The following HTR2C variants were observed in gnomAD, a reference collection of about 807,000 sequenced individuals.
The protein encoded by HTR2C is 5-hydroxytryptamine receptor 2C.
Under a neutral mutation model 21.0 loss-of-function variants are expected in HTR2C, and 5 were observed. The observed-to-expected ratio is 0.24, with a 90% CI of 0.12 to 0.50. The LOEUF (loss-of-function observed/expected upper bound fraction) is 0.50. Ranked by LOEUF, HTR2C falls within the 20% of genes least tolerant of loss-of-function variation. The probability of loss-of-function intolerance (pLI) is 0.98; values close to 1 mark genes in which losing one functional copy is unlikely to be tolerated. For synonymous variants in HTR2C, 150 were observed against 145.3 expected, an observed-to-expected ratio of 1.03 and a Z score of -0.23; for missense variants, 271 against 371.2, an observed-to-expected ratio of 0.73 and a Z score of 2.22.
At chrX:114,785,404 G>A (rs1377783914) in intron 4 of HTR2C, among the ~76,000 whole-genome samples, 1 of 111,700 alleles carries the variant, frequency 9.0e-6, no homozygotes, top group Non-Finnish European at 1.9e-5. Context: ...GAAAATTGAA[G>A]GAAGCGACTT....
intron 5 of HTR2C, among the ~76,000 whole-genome samples, chrX:114,865,768 T>G (rs2071040635): frequency 8.9e-6 from 1 of 111,744 alleles, no homozygotes; most frequent in African/African-American, 3.3e-5. Context: ...TGTATATTCT[T>G]GGTAAAAATT....
intron 4 of HTR2C, among the ~76,000 whole-genome samples, chrX:114,770,190 T>G (rs1556436762): frequency 8.9e-6 from 1 of 112,015 alleles, no homozygotes. Flanking sequence ...TATCTAGGTT[T>G]GTATCCCTGA....
At chrX:114,853,210 T>TTTTGCTCATTTTTTCTGATTTTTTTTCA (rs2070933528) in intron 5 of HTR2C, among the ~76,000 whole-genome samples, 1 of 111,762 alleles carries the variant, frequency 8.9e-6, no homozygotes, top group Non-Finnish European at 1.9e-5. Context: ...TTAAGTGTCC[T>TTTTGCTCATTTTTTCTGATTTTTTTTCA]TTTGCTCATT....
At chrX:114,774,395 C>T (rs1158075394) in intron 4 of HTR2C, among the ~76,000 whole-genome samples, 2 of 111,082 alleles carry the variant, frequency 1.8e-5, no homozygotes, top group African/African-American at 3.3e-5. Context: ...ACCACATAGA[C>T]GATTGTTTTC....
intron 4 of HTR2C, among the ~76,000 whole-genome samples, chrX:114,757,392 G>C (rs941364356): frequency 9.0e-6 from 1 of 111,323 alleles, no homozygotes; most frequent in East Asian, 2.8e-4. Context: ...CACCAGTTTA[G>C]CCACAACTTC....
chrX:114,725,575 G>T, intron 2 of HTR2C, among the ~76,000 whole-genome samples: 1 of 112,228 alleles, frequency 8.9e-6, no homozygotes, highest in Non-Finnish European at 1.9e-5. Flanking sequence ...GCGTTCCTTT[G>T]GAGGAGGAGA....
intron 5 of HTR2C, among the ~76,000 whole-genome samples, chrX:114,903,426 A>C (rs914481399): frequency 4.4e-5 from 5 of 112,605 alleles, no homozygotes; most frequent in Admixed American, 2.8e-4. Flanking sequence ...TACATGGCTC[A>C]GTGCCTGGCA....
chrX:114,623,513 T>C (rs1929245495), intron 2 of HTR2C, among the ~76,000 whole-genome samples: 1 of 112,153 alleles, frequency 8.9e-6, no homozygotes, highest in Admixed American at 9.5e-5. Flanking sequence ...AAATTTTCTC[T>C]TGAAGGATGT....
chrX:114,887,926 A>G (rs2071232259), intron 5 of HTR2C, among the ~76,000 whole-genome samples: 1 of 110,591 alleles, frequency 9.0e-6, no homozygotes, highest in Non-Finnish European at 1.9e-5. Flanking sequence ...AGGCAGGAGA[A>G]TTGCTTGAAC....
chrX:114,762,217 T>C (rs1351634843), intron 4 of HTR2C, among the ~76,000 whole-genome samples: 1 of 110,004 alleles, frequency 9.1e-6, no homozygotes, highest in African/African-American at 3.3e-5. Flanking sequence ...ATTTATGCCT[T>C]TTTGTAAAAG....
intron 1 of HTR2C, among the ~76,000 whole-genome samples, chrX:114,613,376 A>G (rs6655328): frequency 0.18 from 20,392 of 110,835 alleles, 1,365 homozygotes; most frequent in South Asian, 0.31. Flanking sequence ...GGCGCTGGTG[A>G]GAGTGTAGCA....
chrX:114,895,052 A>G (rs1261261682), intron 5 of HTR2C, among the ~76,000 whole-genome samples: 2 of 111,519 alleles, frequency 1.8e-5, no homozygotes, highest in Admixed American at 9.6e-5. Flanking sequence ...AACATCAACA[A>G]TCTGTGAGAC....
At chrX:114,784,331 A>C (rs1602780678) in intron 4 of HTR2C, among the ~76,000 whole-genome samples, 1 of 112,019 alleles carries the variant, frequency 8.9e-6, no homozygotes, top group Admixed American at 9.5e-5. Flanking sequence ...AGAAATATGT[A>C]CAAATATCTA....
At chrX:114,660,996 T>A (rs150051254) in intron 2 of HTR2C, among the ~76,000 whole-genome samples, 312 of 112,358 alleles carry the variant, frequency 2.8e-3, no homozygotes, top group African/African-American at 9.6e-3. Flanking sequence ...ATCTTGTTAG[T>A]TATTAGAAGT....
At chrX:114,607,911 C>T (rs1042173812) in intron 1 of HTR2C, among the ~76,000 whole-genome samples, 18 of 110,864 alleles carry the variant, frequency 1.6e-4, no homozygotes, top group Middle Eastern at 4.6e-3. Flanking sequence ...TTGCTGGAAC[C>T]GGGAGGTGGA....
intron 2 of HTR2C, among the ~76,000 whole-genome samples, chrX:114,641,724 A>C (rs782785052): frequency 1.8e-5 from 2 of 111,966 alleles, no homozygotes; most frequent in East Asian, 5.6e-4. Context: ...TCGAGAAAAG[A>C]TGTTATGCCA....
chrX:114,632,812 A>C (rs1287462753), intron 2 of HTR2C, among the ~76,000 whole-genome samples: 1 of 110,770 alleles, frequency 9.0e-6, no homozygotes, highest in Non-Finnish European at 1.9e-5. Flanking sequence ...ATTAAATTCT[A>C]ATAAATATTA....
intron 4 of HTR2C, among the ~76,000 whole-genome samples, chrX:114,845,091 A>G (rs1338621922): frequency 1.8e-5 from 2 of 111,308 alleles, no homozygotes; most frequent in African/African-American, 6.5e-5. Flanking sequence ...CACATGGAAC[A>G]TTCTCTGGGA....
At chrX:114,641,529 AT>A (rs1229270293) in intron 2 of HTR2C, among the ~76,000 whole-genome samples, 3 of 111,530 alleles carry the variant, frequency 2.7e-5, no homozygotes, top group African/African-American at 9.8e-5. Flanking sequence ...TAAAAAAAAA[AT>A]CTATGTCTTT....
Sources: allele counts gnomAD v4.1 joint callset (sites outside exome capture counted in the v4.1 genomes callset), GRCh38; gene constraint gnomAD v4.1.1; transcripts MANE v1.5; gene names NCBI Gene and HGNC (gene_info 2026-07-23, HGNC 2026-07-21).